CARMIL1: variants seen among roughly 807,000 people sequenced by gnomAD.
The protein encoded by CARMIL1 is capping protein regulator and myosin 1 linker 1.
In CARMIL1, 90 loss-of-function variants were observed where a neutral mutation model predicts 177.1. The observed-to-expected ratio is 0.51, with a 90% CI of 0.43 to 0.61. The LOEUF (loss-of-function observed/expected upper bound fraction) is 0.61, where lower values mean the gene tolerates loss of function less well. Ranked by LOEUF, CARMIL1 falls within the 20% of genes least tolerant of loss-of-function variation. CARMIL1 has a pLI of 0.00. For synonymous variants in CARMIL1, 577 were observed against 606.2 expected, an observed-to-expected ratio of 0.95 and a Z score of 0.71; for missense variants, 1,380 against 1,667.0, an observed-to-expected ratio of 0.83 and a Z score of 3.00.
chr6:25,594,490 G>C lies in CARMIL1; in HGVS notation c.3082G>C (p.Glu1028Gln). 1 of 1,612,904 alleles carries C rather than the reference G, an allele frequency of 6.2e-7. No individual in the cohort carries two copies. The highest frequency in any genetic ancestry group is 1.1e-5 in the South Asian group (1 of 90,984). The change falls in exon 32 of 37, where the codon GAA (glutamate) becomes CAA (glutamine). Residue 1028 changes from glutamate (E) to glutamine (Q), a missense_variant. Glu to Gln is a conservative substitution (Grantham distance 29, BLOSUM62 2). Coordinates refer to ENST00000329474, the MANE Select transcript of CARMIL1 (RefSeq NM_017640.6). ...GGGGAGAGTGGATGAAGGTGTAGAT[G>C]AATTTTTTACCAAGAAGGTGACCAA... ...LMGRVDEGVD[E>Q]FFTKKVTKMD...
intron 2 of CARMIL1, among the ~76,000 whole-genome samples, chr6:25,399,246 A>T (rs908114430): frequency 6.6e-6 from 1 of 152,226 alleles, no homozygotes; most frequent in African/African-American, 2.4e-5. Flanking sequence ...CTGCACGGCT[A>T]CTATGACAGT....
Position 25,435,492 on chromosome 6 carries a change from G to A in CARMIL1, c.259G>A (p.Glu87Lys). The change falls in exon 5 of 37, where the codon GAA becomes AAA. Residue 87 changes from glutamate to lysine, a missense_variant. By Grantham distance (56) the Glu-to-Lys change is moderately conservative. Coordinates refer to ENST00000329474, the MANE Select transcript of CARMIL1 (RefSeq NM_017640.6). ...VCSKSAQMIV[E>K]TEKCSISMKM... Reference sequence around the variant, plus strand: ...CCACCGGTTCTTGCAGATGATTGTGGAAACTGAGAAGTGCAGCATTTCCAT... The same window carrying A: ...CCACCGGTTCTTGCAGATGATTGTGAAAACTGAGAAGTGCAGCATTTCCAT... 5 of 1,551,124 alleles carry A rather than the reference G, an allele frequency of 3.2e-6. No homozygotes were observed. Among genetic ancestry groups the A allele is most frequent in the Non-Finnish European group, 4.4e-6 (5 of 1,146,672 alleles).
At chr6:25,597,137 G>T (rs1814936577) in intron 32 of CARMIL1, among the ~76,000 whole-genome samples, 1 of 152,036 alleles carries the variant, frequency 6.6e-6, no homozygotes, top group Non-Finnish European at 1.5e-5. Context: ...AATTGAGTGT[G>T]TGCAAAAAGA....
chr6:25,343,007 C>T (rs1787102020), intron 2 of CARMIL1, among the ~76,000 whole-genome samples: 1 of 152,198 alleles, frequency 6.6e-6, no homozygotes, highest in South Asian at 2.1e-4. Flanking sequence ...TTCTAAGAAT[C>T]CTTCTAAAGC....
At chr6:25,304,638 G>C (rs995989275) in intron 2 of CARMIL1, among the ~76,000 whole-genome samples, 2 of 152,220 alleles carry the variant, frequency 1.3e-5, no homozygotes, top group Non-Finnish European at 1.5e-5. Context: ...CTCACCTCCT[G>C]CTGTGCGGTC....
chr6:25,375,055 T>G (rs1319811299), intron 2 of CARMIL1, among the ~76,000 whole-genome samples: 1 of 152,216 alleles, frequency 6.6e-6, no homozygotes, highest in Admixed American at 6.5e-5. Context: ...ACATAGGTAC[T>G]TAGTTTTCTT....
chr6:25,288,625 G>C (rs1381587486), intron 2 of CARMIL1, among the ~76,000 whole-genome samples: 1 of 152,048 alleles, frequency 6.6e-6, no homozygotes, highest in Non-Finnish European at 1.5e-5. Flanking sequence ...AAAATGATAA[G>C]GCAAGAGGAA....
At chr6:25,386,106 C>G (rs215009) in intron 2 of CARMIL1, among the ~76,000 whole-genome samples, 128,618 of 152,220 alleles carry the variant, frequency 0.84, 54,672 homozygotes, top group African/African-American at 0.94. Context: ...TGGAAATTTG[C>G]TGTGGGCAAA....
chr6:25,416,774 G>C (rs1035315038), intron 2 of CARMIL1, among the ~76,000 whole-genome samples: 1 of 152,100 alleles, frequency 6.6e-6, no homozygotes, highest in Non-Finnish European at 1.5e-5. Context: ...AGTTTCTCTG[G>C]ACCTGCTGTC....
At chr6:25,459,266 C>CTTTCTTTCT in intron 8 of CARMIL1, among the ~76,000 whole-genome samples, 1 of 73,744 alleles carries the variant, frequency 1.4e-5, no homozygotes, top group Non-Finnish European at 3.0e-5. Context: ...TTCTTTCTTT[C>CTTTCTTTCT]TTTTTTTTTT....
rs73735116 is a variant in CARMIL1 at position 25,529,193 on chromosome 6, A to G, written c.2067+300A>G. On this transcript the variant is annotated intron_variant, in intron 24 of 36. Transcript: ENST00000329474. ...AAATCTGAAAGTGATCAAATTTGCT[A>G]CTTTGGAGACATTCTGTTCCTTTCT... Among the ~76,000 whole-genome samples, 661 of 152,302 alleles carry G rather than the reference A, an allele frequency of 4.3e-3. 4 individuals carry two copies. The highest frequency in any genetic ancestry group is 9.7e-3 in the Admixed American group (148 of 15,300).
chr6:25,440,783 A>G (rs570764644), intron 5 of CARMIL1, among the ~76,000 whole-genome samples: 2 of 152,170 alleles, frequency 1.3e-5, no homozygotes, highest in Non-Finnish European at 2.9e-5. Context: ...ATGAAACTAT[A>G]TTTAGAATCC....
intron 8 of CARMIL1, 182 bp from the exon 9 acceptor site, chr6:25,465,687 CTTCA>C (rs1313402687): frequency 8.9e-6 from 5 of 563,020 alleles, no homozygotes; most frequent in Middle Eastern, 6.4e-4. Flanking sequence ...AGACAATTTA[CTTCA>C]ACTTTTGGGA....
chr6:25,599,141 T>G lies in CARMIL1; in HGVS notation c.3120-1173T>G, dbSNP rs1815143915. On this transcript the variant is annotated intron_variant, in intron 32 of 36. Transcript: ENST00000329474. ...TTGGCTCTGTGGTTTAGGGAGAGGA[T>G]CCGATGAATTTTTGAATGGGCTTCA... Among the ~76,000 whole-genome samples, 14 of 152,256 alleles carry G rather than the reference T, an allele frequency of 9.2e-5. No individual in the cohort carries two copies. The South Asian group carries it at 2.9e-3, about 32-fold the overall frequency.
At chr6:25,448,405 C>G (rs1010651425) in intron 5 of CARMIL1, among the ~76,000 whole-genome samples, 4 of 152,182 alleles carry the variant, frequency 2.6e-5, no homozygotes, top group African/African-American at 9.7e-5. Context: ...TTCTGGTAAG[C>G]ATGGGCTTTC....
rs76858624 is a variant in CARMIL1 at position 25,343,776 on chromosome 6, T to A, written c.138+58867T>A. Among the ~76,000 whole-genome samples the A allele has an allele frequency of 2.7e-3, 409 of 152,196 alleles. 2 individuals are homozygous for A. Among genetic ancestry groups the A allele is most frequent in the African/African-American group, 8.8e-3 (365 of 41,516 alleles). ...GGAGCATGACCTTCATCTCCTTGCT[T>A]TATTGGACACTTGGGTCTCTCCTGG... On this transcript the variant is annotated intron_variant, in intron 2 of 36. Coordinates refer to ENST00000329474, the MANE Select transcript of CARMIL1 (RefSeq NM_017640.6).
At chr6:25,544,645 A>C (rs77260514) in intron 26 of CARMIL1, among the ~76,000 whole-genome samples, 5,777 of 139,066 alleles carry the variant, frequency 0.042, 124 homozygotes, top group African/African-American at 0.053. Context: ...ACACACACAC[A>C]CCCCAAACAC....
intron 2 of CARMIL1, among the ~76,000 whole-genome samples, chr6:25,369,374 A>ATTT (rs1364472995): frequency 3.1e-4 from 30 of 95,994 alleles, no homozygotes; most frequent in Non-Finnish European, 4.3e-4. Context: ...GCAATGCTGT[A>ATTT]TTTTGTTTTT....
intron 8 of CARMIL1, among the ~76,000 whole-genome samples, chr6:25,459,274 T>TCTTTCTTTCTTTCTTTCTTTC (rs1799907930): frequency 4.2e-4 from 13 of 30,968 alleles, no homozygotes; most frequent in South Asian, 2.5e-3. Flanking sequence ...TTCTTTTTTT[T>TCTTTCTTTCTTTCTTTCTTTC]TTTTTTAAGA....
Sources: allele counts gnomAD v4.1 joint callset (sites outside exome capture counted in the v4.1 genomes callset), GRCh38; gene constraint gnomAD v4.1.1; transcripts MANE v1.5; gene names NCBI Gene and HGNC (gene_info 2026-07-23, HGNC 2026-07-21).